Variants in RBPJ observed in about 807,000 individuals in gnomAD.
RBPJ encodes recombining binding protein suppressor of hairless.
A neutral mutation model predicts 67.8 loss-of-function variants in RBPJ; 9 were observed. The observed-to-expected ratio is 0.13, with a 90% CI of 0.08 to 0.23. The LOEUF is 0.23. RBPJ is among the 10% of genes least tolerant of loss of function. RBPJ has a pLI of 1.00. For synonymous variants in RBPJ, 198 were observed against 203.3 expected (o/e 0.97, Z 0.22); for missense variants, 305 against 595.6 (o/e 0.51, Z 5.08).
At chr4:26,333,406 G>C (rs1238997651) in intron 1 of RBPJ, among the ~76,000 whole-genome samples, 1 of 152,076 alleles carries the variant, frequency 6.6e-6, no homozygotes, top group Non-Finnish European at 1.5e-5. Context: ...CTATCTATTA[G>C]ATTACTTTAA....
chr4:26,230,976 TCC>T (rs908905641), intron 1 of RBPJ, among the ~76,000 whole-genome samples: 1 of 152,016 alleles, frequency 6.6e-6, no homozygotes, highest in Non-Finnish European at 1.5e-5. Context: ...AATAAACCCC[TCC>T]CCCAGGCTCT....
At chr4:26,423,184 G>T (rs1468404163) in intron 5 of RBPJ, among the ~76,000 whole-genome samples, 2 of 152,186 alleles carry the variant, frequency 1.3e-5, no homozygotes, top group East Asian at 3.8e-4. Flanking sequence ...GGGGAAAATA[G>T]AACCAAGTTC....
chr4:26,128,963 G>A, the RBPJ span, among the ~76,000 whole-genome samples: 2 of 152,218 alleles, frequency 1.3e-5, no homozygotes, highest in Non-Finnish European at 2.9e-5. Context: ...CCCCAGCTAC[G>A]TGGAACTATG....
chr4:26,250,297 T>C (rs1720065540), intron 1 of RBPJ, among the ~76,000 whole-genome samples: 1 of 151,556 alleles, frequency 6.6e-6, no homozygotes, highest in African/African-American at 2.4e-5. Context: ...TCAAGGCTCA[T>C]ACATGTTGTA....
chr4:26,133,481 G>A, the RBPJ span, among the ~76,000 whole-genome samples: 1 of 152,108 alleles, frequency 6.6e-6, no homozygotes, highest in Non-Finnish European at 1.5e-5. Context: ...ATTCACAGGG[G>A]GCCCCTAACC....
intron 1 of RBPJ, among the ~76,000 whole-genome samples, chr4:26,309,480 C>T (rs1722354647): frequency 6.6e-6 from 1 of 152,056 alleles, no homozygotes; most frequent in Admixed American, 6.6e-5. Flanking sequence ...TTATGTAATA[C>T]CTCAATTAAT....
At chr4:26,267,912 A>G in intron 1 of RBPJ, among the ~76,000 whole-genome samples, 1 of 152,034 alleles carries the variant, frequency 6.6e-6, no homozygotes, top group Non-Finnish European at 1.5e-5. Context: ...CCGACCCACA[A>G]TTTCAATATA....
chr4:26,262,799 A>G (rs940778089), intron 1 of RBPJ, among the ~76,000 whole-genome samples: 1 of 152,174 alleles, frequency 6.6e-6, no homozygotes, highest in African/African-American at 2.4e-5. Context: ...CTCAGACACC[A>G]TAAACCTCAC....
rs769956841 is a variant in RBPJ at position 26,362,586 on chromosome 4, T to A, written c.21-23767T>A. On this transcript the variant is annotated intron_variant, in intron 1 of 10. Transcript: ENST00000355476. ...GCATCGAAGTGTTCCAAGCTGTGAC[T>A]TACCTTAACATGTTCTTGAAGTACC... 19 of 1,613,654 alleles carry A rather than the reference T, an allele frequency of 1.2e-5. 1 individual carries two copies. In the South Asian group the frequency reaches 1.9e-4, roughly 16 times the overall value.
chr4:26,202,779 C>T lies in RBPJ; in HGVS notation c.-167+39165C>T, dbSNP rs116216221. On this transcript the variant is annotated intron_variant, in intron 1 of 4. Transcript: ENST00000512351. ...CAAAAACTAGCTGGGCATGGTGACA[C>T]GCCCCTGTAATCCCAGCTATTTGGG... Among the ~76,000 whole-genome samples the T allele has an allele frequency of 8.3e-4, 126 of 151,894 alleles. 1 individual carries two copies. Among genetic ancestry groups the T allele is most frequent in the African/African-American group, 2.9e-3 (119 of 41,460 alleles).
At chr4:26,374,129 G>A (rs1203455709) in intron 1 of RBPJ, among the ~76,000 whole-genome samples, 4 of 151,838 alleles carry the variant, frequency 2.6e-5, no homozygotes, top group African/African-American at 7.3e-5. Context: ...TAGTAGAGAC[G>A]GAGTTTCATC....
the RBPJ span, chr4:26,113,825 CTTTCCA>C: frequency 4.6e-6 from 1 of 215,316 alleles, no homozygotes; most frequent in African/African-American, 2.3e-5. Flanking sequence ...GCCAAAAGGT[CTTTCCA>C]CATCCTGAAT....
the RBPJ span, among the ~76,000 whole-genome samples, chr4:26,109,449 T>A: frequency 2.5e-5 from 1 of 40,774 alleles, no homozygotes; most frequent in South Asian, 7.1e-4. Context: ...TCTCTCTCTC[T>A]CTCTCTCTCT....
intron 1 of RBPJ, among the ~76,000 whole-genome samples, chr4:26,349,423 T>C (rs1162661144): frequency 6.6e-6 from 1 of 152,158 alleles, no homozygotes; most frequent in East Asian, 1.9e-4. Context: ...TATCACTTCT[T>C]TTTATCTTTT....
chr4:26,253,988 T>C (rs914599355), intron 1 of RBPJ, among the ~76,000 whole-genome samples: 3 of 148,936 alleles, frequency 2.0e-5, no homozygotes, highest in Non-Finnish European at 4.4e-5. Context: ...AGTTTTGTTT[T>C]ACTCATACAT....
intron 1 of RBPJ, among the ~76,000 whole-genome samples, chr4:26,223,314 G>A (rs991426200): frequency 1.3e-5 from 2 of 152,132 alleles, no homozygotes; most frequent in Admixed American, 6.6e-5. Flanking sequence ...ACACTGAGGT[G>A]TATCACAGAC....
chr4:26,115,247 TAAAC>T, the RBPJ span, among the ~76,000 whole-genome samples: 1 of 152,224 alleles, frequency 6.6e-6, no homozygotes, highest in Non-Finnish European at 1.5e-5. Context: ...TTTCCTGACA[TAAAC>T]AAATGCCTAT....
intron 1 of RBPJ, among the ~76,000 whole-genome samples, chr4:26,275,855 C>G (rs1358406802): frequency 6.6e-6 from 1 of 151,732 alleles, no homozygotes; most frequent in Non-Finnish European, 1.5e-5. Context: ...TGGTCTGGAT[C>G]TCTTGACCTC....
chr4:26,402,171 T>C (rs28368332), intron 2 of RBPJ, among the ~76,000 whole-genome samples: 82,102 of 152,020 alleles, frequency 0.54, 22,556 homozygotes, highest in Admixed American at 0.63. Context: ...TACAGCCGTG[T>C]GCCACTGCGC....
Sources: allele counts gnomAD v4.1 joint callset (sites outside exome capture counted in the v4.1 genomes callset), GRCh38; gene constraint gnomAD v4.1.1; transcripts MANE v1.5; gene names NCBI Gene and HGNC (gene_info 2026-07-23, HGNC 2026-07-21).